CHD2: variants seen among roughly 807,000 people sequenced by gnomAD.
CHD2 encodes ATP-dependent chromatin remodeler CHD2.
In CHD2, 28 loss-of-function variants were observed where a neutral mutation model predicts 243.9. The observed-to-expected ratio is 0.11, with a 90% CI of 0.09 to 0.16. The LOEUF (loss-of-function observed/expected upper bound fraction) is 0.16. Ranked by LOEUF, CHD2 falls within the 10% of genes least tolerant of loss-of-function variation. CHD2 has a pLI of 1.00. For synonymous variants in CHD2, 775 were observed against 779.0 expected (o/e 0.99, Z 0.09); for missense variants, 1,386 against 2,209.8 (o/e 0.63, Z 7.47).
At chr15:92,951,817 TC>T (rs1224615771) in intron 13 of CHD2, among the ~76,000 whole-genome samples, 2 of 152,346 alleles carry the variant, frequency 1.3e-5, no homozygotes, top group Non-Finnish European at 2.9e-5. Context: ...TTCATCATTC[TC>T]CCTTTCCCAA....
intron 37 of CHD2, among the ~76,000 whole-genome samples, chr15:93,016,953 C>T (rs1164343859): frequency 1.3e-5 from 2 of 151,848 alleles, no homozygotes; most frequent in African/African-American, 4.8e-5. Flanking sequence ...TTCAAATGGC[C>T]AATATGACGA....
chr15:92,944,774 A>G, intron 10 of CHD2: 1 of 217,716 alleles, frequency 4.6e-6, no homozygotes, highest in East Asian at 9.2e-5. Context: ...GGAAAGATGA[A>G]GGGAAGAGCT....
intron 2 of CHD2, chr15:92,901,636 T>C (rs2141697617): frequency 2.4e-6 from 1 of 423,270 alleles, no homozygotes; most frequent in South Asian, 7.4e-5. Flanking sequence ...ACCTTGTCGG[T>C]TTAGCCATTG....
At position 92,972,829 on chromosome 15, in the gene CHD2, C is replaced by G. The variant is rs1172652272; in HGVS notation, c.2505+412C>G. On this transcript the variant is annotated intron_variant, in intron 19 of 38. Coordinates refer to ENST00000394196, the MANE Select transcript of CHD2 (RefSeq NM_001271.4). Reference sequence around the variant, plus strand: ...TCCCGCCACTGCACTCCAGCCTGGGCGACAGAGCGAGACTCCGTCTCAAAA... The same window carrying G: ...TCCCGCCACTGCACTCCAGCCTGGGGGACAGAGCGAGACTCCGTCTCAAAA... Among the ~76,000 whole-genome samples the G allele has an allele frequency of 3.5e-4, 3 of 8,652 alleles. 1 individual carries two copies. The highest frequency in any genetic ancestry group is 4.9e-4 in the African/African-American group (3 of 6,140). The allele number at this position is 8,652 out of a possible 152,430, so 5.7% of individuals were successfully genotyped here.
In CHD2 at chr15:92,985,528, G is replaced by A. The variant is rs1239954219; in HGVS notation, c.3268G>A (p.Glu1090Lys). Residue 1090 changes from glutamate to lysine, a missense_variant, in exon 26 of 39, where the codon GAG (glutamate) becomes AAG (lysine). Coordinates refer to ENST00000394196, the MANE Select transcript of CHD2 (RefSeq NM_001271.4). Reference protein sequence around the residue: ...AQTNDSDSDTESKRQAQRSSA... With the variant: ...AQTNDSDSDTKSKRQAQRSSA... ...GACAAATGACAGTGACTCTGACACT[G>A]AGTCTAAGAGGCAGGCCCAGAGATC... is the stretch of plus-strand genomic sequence containing the variant. The A allele has an allele frequency of 6.2e-7, 1 of 1,613,838 alleles. No homozygotes were observed. The highest frequency in any genetic ancestry group is 8.5e-7 in the Non-Finnish European group (1 of 1,179,914).
chr15:92,962,291 TTTTTC>T (rs1490404824), intron 16 of CHD2, among the ~76,000 whole-genome samples: 1 of 152,078 alleles, frequency 6.6e-6, no homozygotes, highest in African/African-American at 2.4e-5. Context: ...ATGTAAAACT[TTTTTC>T]TTTTCTAGTT....
rs747734080 is a variant in CHD2, at chr15:92,945,882, A to G, written c.1198+17A>G. ...ATTTTCCAGGTAAGCAAGAAATTTT[A>G]TTTATAAATGTTCTTCAACATTTCA... On this transcript the variant is annotated intron_variant, in intron 11 of 38. Transcript: ENST00000394196. The G allele has an allele frequency of 3.8e-6, 6 of 1,566,216 alleles. No individual in the cohort carries two copies. The highest frequency in any genetic ancestry group is 2.3e-5 in the East Asian group (1 of 44,330).
chr15:92,981,101 C>T (rs913351166), intron 23 of CHD2, among the ~76,000 whole-genome samples, 190 bp downstream of exon 23: 4 of 152,100 alleles, frequency 2.6e-5, no homozygotes, highest in Non-Finnish European at 4.4e-5. Context: ...ATAAAGCATT[C>T]GAGTATACTT....
At chr15:93,009,898 A>G (rs79578096) in intron 35 of CHD2, among the ~76,000 whole-genome samples, 7,541 of 152,314 alleles carry the variant, frequency 0.05, 280 homozygotes, top group South Asian at 0.17. Context: ...AAAGATTTCA[A>G]TAGTTTTAGG....
rs139542053 is a variant in CHD2 at position 92,909,222 on chromosome 15, G to A, written c.62+7923G>A. 1.1e-4 allele frequency among the ~76,000 whole-genome samples: 17 copies of A among 152,104 alleles called. No individual in the cohort carries two copies. In the East Asian group the frequency reaches 1.9e-3, roughly 17 times the overall value. ...CTAGTCGCTTTAAGCTCTTGTGGTC[G>A]TCTCTTCCTTAGTGTACTCTCCTTA... On this transcript the variant is annotated intron_variant, in intron 2 of 38. Coordinates refer to ENST00000394196, the MANE Select transcript of CHD2 (RefSeq NM_001271.4).
chr15:93,016,609 T>TA (rs1273962948), intron 37 of CHD2, among the ~76,000 whole-genome samples: 13 of 151,960 alleles, frequency 8.6e-5, no homozygotes, highest in Non-Finnish European at 1.2e-4. Context: ...CTGGGCAACA[T>TA]AGACTCAGTC....
chr15:92,930,779 C>G (rs1211316922), intron 5 of CHD2, among the ~76,000 whole-genome samples: 1 of 152,078 alleles, frequency 6.6e-6, no homozygotes, highest in Non-Finnish European at 1.5e-5. Context: ...CATATATGGA[C>G]CTTTCTTTTC....
chr15:92,953,232 A>G, intron 13 of CHD2, 125 bp from the exon 14 acceptor site: 1 of 690,526 alleles, frequency 1.4e-6, no homozygotes, highest in Non-Finnish European at 2.5e-6. Context: ...AATACATTTG[A>G]GGCTTATGAA....
At chr15:93,006,414 C>T (rs1004358143) in intron 34 of CHD2, among the ~76,000 whole-genome samples, 12 of 152,062 alleles carry the variant, frequency 7.9e-5, no homozygotes, top group Non-Finnish European at 1.6e-4. Context: ...CGTGAGCCAC[C>T]GCACCCGGCC....
chr15:92,937,397 G>GC (rs2053284165), intron 5 of CHD2, 121 bp from the exon 6 acceptor site: 3 of 648,430 alleles, frequency 4.6e-6, no homozygotes, highest in Non-Finnish European at 7.9e-6. Flanking sequence ...ATCTCTTTTA[G>GC]CATGTCTAAA....
intron 23 of CHD2, 100 bp downstream of exon 23, chr15:92,981,011 A>G: frequency 1.2e-6 from 1 of 812,644 alleles, no homozygotes; most frequent in Non-Finnish European, 2.1e-6. Flanking sequence ...TTGTAAAGAA[A>G]AAGTAATTAC....
intron 22 of CHD2, among the ~76,000 whole-genome samples, chr15:92,980,458 T>G (rs954918366): frequency 6.6e-6 from 1 of 152,186 alleles, no homozygotes; most frequent in African/African-American, 2.4e-5. Flanking sequence ...AAAGCCTAGC[T>G]CTTTTATTTT....
At chr15:92,973,397 T>G (rs1033608283) in intron 19 of CHD2, among the ~76,000 whole-genome samples, 3 of 152,218 alleles carry the variant, frequency 2.0e-5, no homozygotes, top group Non-Finnish European at 4.4e-5. Context: ...GGCATGTTTA[T>G]AGTGCTTTGA....
chr15:93,004,773 T>G (rs769677230), intron 34 of CHD2, 22 bp downstream of exon 34: 10 of 1,605,524 alleles, frequency 6.2e-6, no homozygotes, highest in South Asian at 2.2e-5. Flanking sequence ...AATCGGGGGG[T>G]GCCAGTGTCT....
Sources: gnomAD v4.1 joint callset for allele counts (sites outside exome capture counted in the v4.1 genomes callset) on GRCh38, gnomAD v4.1.1 for gene constraint, MANE v1.5 for transcripts, NCBI Gene and HGNC (gene_info 2026-07-23, HGNC 2026-07-21) for gene names.